The following PPM1L variants were observed in gnomAD, a reference collection of about 807,000 sequenced individuals.
PPM1L encodes the protein protein phosphatase 1L.
PPM1L carries 13 observed loss-of-function variants against 31.4 expected under a neutral mutation model. The observed-to-expected ratio is 0.41, with a 90% CI of 0.27 to 0.66. The LOEUF (loss-of-function observed/expected upper bound fraction) is 0.66, where lower values mean the gene tolerates loss of function less well. Ranked by LOEUF, PPM1L falls within the 30% of genes least tolerant of loss-of-function variation. The pLI, the probability that PPM1L is intolerant of heterozygous loss-of-function variation, is 0.29. For missense variants in PPM1L, 326 were observed against 453.7 expected, an observed-to-expected ratio of 0.72 and a Z score of 2.56; for synonymous variants, 184 against 175.4, an observed-to-expected ratio of 1.05 and a Z score of -0.39.
chr3:161,011,144 C>T (rs975268689), intron 2 of PPM1L, among the ~76,000 whole-genome samples: 2 of 152,180 alleles, frequency 1.3e-5, no homozygotes, highest in East Asian at 1.9e-4. Context: ...GTTTTTATGG[C>T]TTTAGGTCTA....
At chr3:160,958,060 C>T (rs972373861) in intron 1 of PPM1L, among the ~76,000 whole-genome samples, 2 of 152,032 alleles carry the variant, frequency 1.3e-5, no homozygotes, top group Admixed American at 1.3e-4. Context: ...AATATTAGAC[C>T]TTTGTCAGGT....
At chr3:160,909,913 G>T (rs1713895865) in intron 1 of PPM1L, among the ~76,000 whole-genome samples, 1 of 152,142 alleles carries the variant, frequency 6.6e-6, no homozygotes, top group Non-Finnish European at 1.5e-5. Context: ...AGTAGCTCTG[G>T]GTTTCTGAAA....
intron 1 of PPM1L, among the ~76,000 whole-genome samples, chr3:160,947,441 A>G (rs1418959087): frequency 1.3e-5 from 2 of 152,048 alleles, no homozygotes; most frequent in Non-Finnish European, 2.9e-5. Flanking sequence ...CTTGCTCCTT[A>G]TCCCTTTGTC....
chr3:160,994,549 A>G (rs532243032), intron 2 of PPM1L, among the ~76,000 whole-genome samples: 4 of 152,282 alleles, frequency 2.6e-5, no homozygotes, highest in Admixed American at 6.5e-5. Flanking sequence ...GCCACTCCCA[A>G]GTTCCCTAGC....
chr3:160,945,095 T>TTATATATAAC (rs1715360095), intron 1 of PPM1L, among the ~76,000 whole-genome samples: 1 of 131,340 alleles, frequency 7.6e-6, no homozygotes, highest in African/African-American at 2.8e-5. Flanking sequence ...ATATAACATG[T>TTATATATAAC]TATATATAAC....
chr3:160,875,551 A>T (rs1364279030), intron 1 of PPM1L, among the ~76,000 whole-genome samples: 1 of 152,220 alleles, frequency 6.6e-6, no homozygotes, highest in African/African-American at 2.4e-5. Flanking sequence ...TTGATATTCC[A>T]CCTAATAAGG....
chr3:161,022,299 T>C, intron 2 of PPM1L: 1 of 482,042 alleles, frequency 2.1e-6, no homozygotes, highest in Non-Finnish European at 3.7e-6. Context: ...TCTGTGCTGT[T>C]GTCAACCAAA....
At chr3:160,776,739 T>G (rs1711565690) in intron 1 of PPM1L, among the ~76,000 whole-genome samples, 1 of 151,742 alleles carries the variant, frequency 6.6e-6, no homozygotes, top group African/African-American at 2.4e-5. Context: ...TAACTGGGAC[T>G]ACAGACACAT....
chr3:160,760,169 T>C (rs902611868), intron 1 of PPM1L, among the ~76,000 whole-genome samples: 2 of 152,226 alleles, frequency 1.3e-5, no homozygotes, highest in African/African-American at 2.4e-5. Context: ...TGATTACTAA[T>C]TCAGGATTTC....
chr3:160,758,180 T>TC (rs1714862710), intron 1 of PPM1L, among the ~76,000 whole-genome samples: 1 of 152,116 alleles, frequency 6.6e-6, no homozygotes, highest in East Asian at 1.9e-4. Context: ...AGTGTCGGGG[T>TC]CCCCTCCCCT....
chr3:160,885,186 C>T (rs983054072), intron 1 of PPM1L, among the ~76,000 whole-genome samples: 1 of 152,178 alleles, frequency 6.6e-6, no homozygotes, highest in Non-Finnish European at 1.5e-5. Context: ...CTGTCAATCA[C>T]ATGAACAATT....
intron 1 of PPM1L, among the ~76,000 whole-genome samples, chr3:160,946,302 A>G (rs2108093781): frequency 6.6e-6 from 1 of 152,288 alleles, no homozygotes; most frequent in Middle Eastern, 3.4e-3. Flanking sequence ...CAAAACATTG[A>G]TAATCATACC....
In PPM1L at chr3:161,051,339, T is replaced by A. The variant is rs946389233; in HGVS notation, c.575-14064T>A. ...TACTTTGTACATAGTAGGCACTGAATGAGGGAACAAGGAACACAGAACCAT... is the reference window on the plus strand; with the variant it reads ...TACTTTGTACATAGTAGGCACTGAAAGAGGGAACAAGGAACACAGAACCAT... On this transcript the variant is annotated intron_variant, in intron 2 of 3. Transcript: ENST00000498165. Among the ~76,000 whole-genome samples the A allele has an allele frequency of 2.6e-5, 4 of 151,364 alleles. No homozygotes were observed. The Admixed American group carries it at 2.6e-4, about 10-fold the overall frequency.
chr3:161,024,055 T>C (rs1005426349), intron 2 of PPM1L, among the ~76,000 whole-genome samples: 1 of 152,056 alleles, frequency 6.6e-6, no homozygotes, highest in Non-Finnish European at 1.5e-5. Flanking sequence ...GACGGGCAGA[T>C]CACTTGAGGT....
At chr3:160,970,195 T>C (rs554956765) in intron 2 of PPM1L, among the ~76,000 whole-genome samples, 35 of 152,248 alleles carry the variant, frequency 2.3e-4, no homozygotes, top group Non-Finnish European at 3.7e-4. Flanking sequence ...CTTTACCACA[T>C]AGAATCCCAG....
At chr3:160,832,734 T>C (rs74431109) in intron 1 of PPM1L, among the ~76,000 whole-genome samples, 4,989 of 152,254 alleles carry the variant, frequency 0.033, 250 homozygotes, top group African/African-American at 0.11. Context: ...AATTTACATT[T>C]ACTTTTTACC....
At chr3:160,827,674 C>T (rs559947678) in intron 1 of PPM1L, among the ~76,000 whole-genome samples, 6 of 151,922 alleles carry the variant, frequency 3.9e-5, no homozygotes, top group African/African-American at 1.5e-4. Context: ...TGTTTTTATG[C>T]AGGCCTCTGC....
intron 1 of PPM1L, among the ~76,000 whole-genome samples, chr3:160,844,108 C>G (rs561227727): frequency 6.6e-6 from 1 of 152,304 alleles, no homozygotes; most frequent in East Asian, 1.9e-4. Context: ...AAAATTCTCC[C>G]TCTGCCACTC....
In PPM1L at chr3:161,077,666, AC is replaced by A. The variant is rs1720148757; in HGVS notation, c.*8510del. 1 of 152,244 alleles carries A rather than the reference AC, an allele frequency of 6.6e-6. No individual in the cohort carries two copies. Among genetic ancestry groups the A allele is most frequent in the African/African-American group, 2.4e-5 (1 of 41,468 alleles). The allele number at this position is 152,244 out of a possible 1,614,324, so 9.4% of individuals were successfully genotyped here. On this transcript the variant is annotated 3_prime_UTR_variant, in exon 4 of 4. Coordinates refer to ENST00000498165, the MANE Select transcript of PPM1L (RefSeq NM_139245.4). ...TATAGAAAGTTAACATTTCAGGAGCACAATTATTTCCTGATTTCAAATATGA... is the reference window on the plus strand; with the variant it reads ...TATAGAAAGTTAACATTTCAGGAGCAAATTATTTCCTGATTTCAAATATGA...
Sources: allele counts gnomAD v4.1 joint callset (sites outside exome capture counted in the v4.1 genomes callset), GRCh38; gene constraint gnomAD v4.1.1; transcripts MANE v1.5; gene names NCBI Gene and HGNC (gene_info 2026-07-23, HGNC 2026-07-21).